Variants in DHX29 observed in about 807,000 individuals in gnomAD.
DHX29 encodes DExH-box helicase 29.
A neutral mutation model predicts 167.9 loss-of-function variants in DHX29; 79 were observed. The ratio of observed to expected loss-of-function variants is 0.47; its 90% CI spans 0.39 to 0.57. The LOEUF is 0.57. Among genes scored for constraint, DHX29 ranks in the 20% least tolerant of loss-of-function variants. The pLI is 0.00. For missense variants in DHX29, 1,347 were observed against 1,593.4 expected (o/e 0.85, Z 2.63); for synonymous variants, 530 against 546.0 (o/e 0.97, Z 0.41).
At position 55,307,657 on chromosome 5, in the gene DHX29, T is replaced by TC. The variant is rs1265522628; in HGVS notation, c.-85dup. On this transcript the variant is annotated 5_prime_UTR_variant, in exon 1 of 27. Transcript: ENST00000251636. ...CCGAGAGCTCTTCACATTCCCCGGC[T>TC]CCGGGGCTGCCACCCTGCGCTTCGA... is the stretch of plus-strand genomic sequence containing the variant. The TC allele has an allele frequency of 2.0e-6, 3 of 1,520,570 alleles. No individual in the cohort carries two copies. In the East Asian group the frequency reaches 6.8e-5, roughly 35 times the overall value. The allele number at this position is 1,520,570 out of a possible 1,614,324, so 94.2% of individuals were successfully genotyped here. A position where few individuals can be genotyped will look rare whatever the true frequency, so the allele number is the denominator to read the frequency against.
At chr5:55,275,826 T>C (rs184884681) in intron 14 of DHX29, among the ~76,000 whole-genome samples, 2 of 152,212 alleles carry the variant, frequency 1.3e-5, no homozygotes. Flanking sequence ...CCTATCACCA[T>C]CTTGCCTCTG....
intron 26 of DHX29, among the ~76,000 whole-genome samples, chr5:55,258,971 A>C (rs902051664): frequency 1.3e-5 from 2 of 152,152 alleles, no homozygotes; most frequent in African/African-American, 4.8e-5. Context: ...AAAGTCCCTA[A>C]TCATACACAC....
Position 55,295,889 on chromosome 5 carries a change from A to G in DHX29, c.505+331T>C, listed in dbSNP as rs373326309. Among the ~76,000 whole-genome samples the G allele has an allele frequency of 3.9e-5, 6 of 152,306 alleles. No individual in the cohort carries two copies. In the South Asian group the frequency reaches 1.2e-3, roughly 32 times the overall value. On this transcript the variant is annotated intron_variant, in intron 4 of 26. Coordinates refer to ENST00000251636, the MANE Select transcript of DHX29 (RefSeq NM_019030.4). ...CTCCAGATTCTTGCCAAAGATTACA[A>G]TCATGATCCTCTGCTTAATAAAATA...
intron 23 of DHX29, among the ~76,000 whole-genome samples, chr5:55,266,710 G>A (rs566768601): frequency 6.6e-6 from 1 of 151,944 alleles, no homozygotes; most frequent in Non-Finnish European, 1.5e-5. Flanking sequence ...TGAACTCCTG[G>A]GCTCAAGCAA....
intron 13 of DHX29, 101 bp from the exon 14 acceptor site, chr5:55,276,507 G>A: frequency 1.1e-6 from 1 of 938,364 alleles, no homozygotes; most frequent in South Asian, 1.8e-5. Flanking sequence ...GTCACCAAAT[G>A]TTAATTTAGA....
At chr5:55,301,268 C>T (rs1209745697) in intron 1 of DHX29, among the ~76,000 whole-genome samples, 1 of 152,164 alleles carries the variant, frequency 6.6e-6, no homozygotes, top group Non-Finnish European at 1.5e-5. Context: ...AACTGGACAA[C>T]CTCACTGCAT....
At chr5:55,288,802 A>G (rs1747878900) in intron 8 of DHX29, among the ~76,000 whole-genome samples, 1 of 152,202 alleles carries the variant, frequency 6.6e-6, no homozygotes, top group Non-Finnish European at 1.5e-5. Flanking sequence ...GGGTAGCAAG[A>G]TGAGCGAAGT....
At chr5:55,277,428 GT>G (rs1280927989) in intron 12 of DHX29, 146 bp from the exon 13 acceptor site, 1 of 521,476 alleles carries the variant, frequency 1.9e-6, no homozygotes, top group Non-Finnish European at 3.4e-6. Flanking sequence ...GAAGCTGTAA[GT>G]TTTAAATAAG....
intron 6 of DHX29, among the ~76,000 whole-genome samples, chr5:55,293,417 T>C (rs1430721083): frequency 6.6e-6 from 1 of 152,244 alleles, no homozygotes; most frequent in East Asian, 1.9e-4. Context: ...AATATGAGTA[T>C]TCCAGTTGTT....
At chr5:55,298,701 A>G in intron 1 of DHX29, 37 bp from the exon 2 acceptor site, 1 of 1,005,768 alleles carries the variant, frequency 9.9e-7, no homozygotes, top group Non-Finnish European at 1.6e-6. Context: ...TTAATGATTA[A>G]TATCTATTAC....
chr5:55,301,508 G>A (rs1405269238), intron 1 of DHX29, among the ~76,000 whole-genome samples: 1 of 152,078 alleles, frequency 6.6e-6, no homozygotes, highest in South Asian at 2.1e-4. Flanking sequence ...GAGGTCAGGA[G>A]TTCAAGACCA....
At chr5:55,284,114 A>G (rs1747589522) in intron 10 of DHX29, among the ~76,000 whole-genome samples, 1 of 152,234 alleles carries the variant, frequency 6.6e-6, no homozygotes, top group African/African-American at 2.4e-5. Flanking sequence ...AACCTTGGGC[A>G]ATTCACTTAA....
intron 25 of DHX29, among the ~76,000 whole-genome samples, chr5:55,260,159 AC>A (rs1179269487): frequency 6.6e-6 from 1 of 152,224 alleles, no homozygotes; most frequent in Non-Finnish European, 1.5e-5. Flanking sequence ...AAATAAGGCA[AC>A]TATTACTCCA....
chr5:55,305,968 T>C (rs1748838785), intron 1 of DHX29, among the ~76,000 whole-genome samples: 1 of 152,106 alleles, frequency 6.6e-6, no homozygotes, highest in Admixed American at 6.5e-5. Flanking sequence ...GGGTCACAGT[T>C]TGGGGCTGGA....
At chr5:55,261,786 G>A (rs1746327617) in intron 24 of DHX29, among the ~76,000 whole-genome samples, 1 of 152,098 alleles carries the variant, frequency 6.6e-6, no homozygotes, top group Admixed American at 6.6e-5. Flanking sequence ...AATTTTATAT[G>A]CTAATGATAT....
At position 55,269,645 on chromosome 5, in the gene DHX29, T is replaced by C. The variant is rs1055822731; in HGVS notation, c.3070-8A>G. ...AGAACCAAGATTACATTTCTGCAGATTAAAAAAGCAATAAAATTGGTATGA... is the reference window on the plus strand; with the variant it reads ...AGAACCAAGATTACATTTCTGCAGACTAAAAAAGCAATAAAATTGGTATGA... On this transcript the variant is annotated splice_region_variant and splice_polypyrimidine_tract_variant and intron_variant, in intron 20 of 26. Transcript: ENST00000251636. 4.4e-6 allele frequency: 7 copies of C among 1,604,714 alleles called. No homozygotes were observed. Among genetic ancestry groups the C allele is most frequent in the Non-Finnish European group, 6.0e-6 (7 of 1,172,200 alleles).
At chr5:55,291,425 C>T (rs547262283) in intron 6 of DHX29, among the ~76,000 whole-genome samples, 2 of 152,166 alleles carry the variant, frequency 1.3e-5, no homozygotes, top group African/African-American at 4.8e-5. Flanking sequence ...ACCTCAAATT[C>T]ACCCAAATAA....
At position 55,273,286 on chromosome 5, in the gene DHX29, AT is replaced by A; in HGVS notation, c.2775+6del. 1 of 1,583,336 alleles carries A rather than the reference AT, an allele frequency of 6.3e-7. No homozygotes were observed. Among genetic ancestry groups the A allele is most frequent in the Non-Finnish European group, 8.6e-7 (1 of 1,164,220 alleles). ...ATCACATATAAATTTGCTGTACTAAATTTTACCTTCCTGACTCCTGGAGGGG... is the reference window on the plus strand; with the variant it reads ...ATCACATATAAATTTGCTGTACTAAATTTACCTTCCTGACTCCTGGAGGGG... On this transcript the variant is annotated splice_donor_region_variant and intron_variant, in intron 17 of 26. Coordinates refer to ENST00000251636, the MANE Select transcript of DHX29 (RefSeq NM_019030.4).
At chr5:55,299,170 T>C (rs1748477957) in intron 1 of DHX29, among the ~76,000 whole-genome samples, 1 of 152,192 alleles carries the variant, frequency 6.6e-6, no homozygotes, top group Non-Finnish European at 1.5e-5. Flanking sequence ...TTTTACCAAT[T>C]AGCATTACTC....
Sources: gnomAD v4.1 joint callset for allele counts (sites outside exome capture counted in the v4.1 genomes callset) on GRCh38, gnomAD v4.1.1 for gene constraint, MANE v1.5 for transcripts, NCBI Gene and HGNC (gene_info 2026-07-23, HGNC 2026-07-21) for gene names.